Variants in RASA2 observed in about 807,000 individuals in gnomAD.
The protein encoded by RASA2 is ras GTPase-activating protein 2.
In RASA2, 155 loss-of-function variants were observed where a neutral mutation model predicts 118.2. That is an observed-to-expected ratio of 1.31 (90% CI 1.15 to 1.50). The LOEUF (loss-of-function observed/expected upper bound fraction) is 1.50. RASA2 is among the 40% of genes most tolerant of loss of function. RASA2 has a pLI of 0.00. For synonymous variants in RASA2, 353 were observed against 349.1 expected (o/e 1.01, Z -0.12); for missense variants, 1,016 against 1,009.6 (o/e 1.01, Z -0.09).
intron 3 of RASA2, among the ~76,000 whole-genome samples, chr3:141,528,544 T>C (rs1376922398): frequency 6.6e-6 from 1 of 151,982 alleles, no homozygotes; most frequent in Non-Finnish European, 1.5e-5. Context: ...CATCTTTTTT[T>C]CTTTTTTCCA....
At chr3:141,581,672 G>C (rs2083115510) in intron 17 of RASA2, among the ~76,000 whole-genome samples, 1 of 152,186 alleles carries the variant, frequency 6.6e-6, no homozygotes, top group Non-Finnish European at 1.5e-5. Flanking sequence ...TATGGTGCCT[G>C]ATGTAGAGTG....
chr3:141,550,614 A>C (rs991964674), intron 5 of RASA2, among the ~76,000 whole-genome samples: 3 of 152,238 alleles, frequency 2.0e-5, no homozygotes, highest in Non-Finnish European at 4.4e-5. Context: ...GAATATCTGA[A>C]ATTATTTCAA....
chr3:141,536,899 T>C (rs1266841915), intron 4 of RASA2, among the ~76,000 whole-genome samples: 1 of 151,694 alleles, frequency 6.6e-6, no homozygotes, highest in Non-Finnish European at 1.5e-5. Flanking sequence ...AGGCATGCGC[T>C]GCCACACCCG....
chr3:141,597,485 G>T (rs2083392094), intron 19 of RASA2, among the ~76,000 whole-genome samples: 1 of 152,072 alleles, frequency 6.6e-6, no homozygotes, highest in African/African-American at 2.4e-5. Flanking sequence ...GTATAAACAG[G>T]CATGAGGGAT....
At chr3:141,529,596 G>C (rs1265894299) in intron 3 of RASA2, 112 bp from the exon 4 acceptor site, 4 of 619,812 alleles carry the variant, frequency 6.5e-6, no homozygotes, top group Non-Finnish European at 9.8e-6. Context: ...TATGTCAATA[G>C]GTACAAATCA....
At chr3:141,544,465 C>CAG (rs2082454734) in intron 5 of RASA2, among the ~76,000 whole-genome samples, 1 of 152,090 alleles carries the variant, frequency 6.6e-6, no homozygotes, top group Admixed American at 6.6e-5. Flanking sequence ...TCTATTTTCC[C>CAG]TCTGTTGTTC....
At chr3:141,507,938 A>T (rs994014809) in intron 1 of RASA2, among the ~76,000 whole-genome samples, 1 of 152,292 alleles carries the variant, frequency 6.6e-6, no homozygotes. Flanking sequence ...ACACTGAAGG[A>T]GGTTGAAATG....
At position 141,607,761 on chromosome 3, in the gene RASA2, G is replaced by A. The variant is rs754116774; in HGVS notation, c.2016+1G>A. 1.9e-6 allele frequency: 3 copies of A among 1,571,244 alleles called. No homozygotes were observed. Among genetic ancestry groups the A allele is most frequent in the African/African-American group, 1.4e-5 (1 of 72,386 alleles). ...AGAGAGCTCTTTCAACAAGAAAAAT[G>A]TAAGTTATGTAAATAAATATTTAAA... On this transcript the variant is annotated splice_donor_variant, in intron 20 of 23. Transcript: ENST00000286364. LOFTEE classifies it high-confidence loss of function.
At chr3:141,590,267 G>A (rs2083268531) in intron 19 of RASA2, 2 of 415,258 alleles carry the variant, frequency 4.8e-6, no homozygotes, top group South Asian at 1.7e-5. Context: ...CCAGCTAAAT[G>A]CATTTACTCC....
intron 1 of RASA2, among the ~76,000 whole-genome samples, chr3:141,509,570 C>A (rs992858875): frequency 6.6e-6 from 1 of 151,980 alleles, no homozygotes; most frequent in African/African-American, 2.4e-5. Flanking sequence ...TATTTTAGGT[C>A]CTATATTGCG....
intron 15 of RASA2, among the ~76,000 whole-genome samples, chr3:141,578,165 G>A (rs1311325047): frequency 1.3e-5 from 2 of 152,192 alleles, no homozygotes; most frequent in Non-Finnish European, 2.9e-5. Context: ...TCATCCACAT[G>A]TGCAGATAAG....
chr3:141,590,329 A>G (rs1292178751), intron 19 of RASA2, among the ~76,000 whole-genome samples: 2 of 152,174 alleles, frequency 1.3e-5, no homozygotes, highest in Non-Finnish European at 2.9e-5. Flanking sequence ...TGTTCGCTTT[A>G]TACAGTTTTT....
At chr3:141,533,080 A>T (rs970370120) in intron 4 of RASA2, among the ~76,000 whole-genome samples, 2 of 151,890 alleles carry the variant, frequency 1.3e-5, no homozygotes, top group Admixed American at 1.3e-4. Flanking sequence ...CTGTAAATCT[A>T]CTCCAGTCTC....
At chr3:141,541,366 C>T (rs1251144724) in intron 5 of RASA2, among the ~76,000 whole-genome samples, 2 of 152,038 alleles carry the variant, frequency 1.3e-5, no homozygotes, top group African/African-American at 4.8e-5. Flanking sequence ...CAATTGTGAA[C>T]CCCAGCTCCT....
intron 14 of RASA2, among the ~76,000 whole-genome samples, chr3:141,575,239 A>G (rs1333766001): frequency 6.6e-6 from 1 of 152,212 alleles, no homozygotes; most frequent in Non-Finnish European, 1.5e-5. Context: ...CCCTGTACAC[A>G]CATGTGTGCA....
In RASA2 at chr3:141,613,045, G is replaced by C. The variant is rs375499740; in HGVS notation, c.*732G>C. ...TTGTTTTCATTGTTTTAAATACCAGGTACTCATTTTCTTGATTTGAAAGTT... is the reference window on the plus strand; with the variant it reads ...TTGTTTTCATTGTTTTAAATACCAGCTACTCATTTTCTTGATTTGAAAGTT... On this transcript the variant is annotated 3_prime_UTR_variant, in exon 24 of 24. Coordinates refer to ENST00000286364, the MANE Select transcript of RASA2 (RefSeq NM_006506.5). 6.6e-6 allele frequency: 1 copy of C among 152,146 alleles called. No homozygotes were observed. Among genetic ancestry groups the C allele is most frequent in the East Asian group, 1.9e-4 (1 of 5,200 alleles). The allele number at this position is 152,146 out of a possible 1,614,324, so 9.4% of individuals were successfully genotyped here.
At chr3:141,533,119 A>G (rs1440003524) in intron 4 of RASA2, among the ~76,000 whole-genome samples, 2 of 152,060 alleles carry the variant, frequency 1.3e-5, no homozygotes, top group Admixed American at 6.6e-5. Flanking sequence ...CGCCACACCA[A>G]TTTTTGAGTC....
At chr3:141,600,581 C>T (rs751027360) in intron 19 of RASA2, 10 of 253,056 alleles carry the variant, frequency 4.0e-5, no homozygotes, top group Middle Eastern at 5.1e-4. Flanking sequence ...TTCTCCTTGA[C>T]GGGTGCAGGG....
intron 3 of RASA2, among the ~76,000 whole-genome samples, chr3:141,522,347 C>A (rs1242385748): frequency 6.6e-6 from 1 of 152,130 alleles, no homozygotes; most frequent in Non-Finnish European, 1.5e-5. Flanking sequence ...ATCTGTAGAA[C>A]TGACCATGGC....
Sources: allele counts gnomAD v4.1 joint callset (sites outside exome capture counted in the v4.1 genomes callset), GRCh38; gene constraint gnomAD v4.1.1; transcripts MANE v1.5; gene names NCBI Gene and HGNC (gene_info 2026-07-23, HGNC 2026-07-21).